Variants in PACS1 observed in about 807,000 individuals in gnomAD.
The protein encoded by PACS1 is phosphofurin acidic cluster sorting protein 1.
Under a neutral mutation model 115.0 loss-of-function variants are expected in PACS1, and 24 were observed. The observed-to-expected ratio is 0.21, with a 90% CI of 0.15 to 0.29. The LOEUF is 0.29. PACS1 is among the 10% of genes least tolerant of loss of function. The pLI is 1.00. For missense variants in PACS1, 838 were observed against 1,251.2 expected, an observed-to-expected ratio of 0.67 and a Z score of 4.98; for synonymous variants, 453 against 504.5, an observed-to-expected ratio of 0.90 and a Z score of 1.37.
intron 1 of PACS1, among the ~76,000 whole-genome samples, chr11:66,108,274 G>A (rs186536017): frequency 6.6e-6 from 1 of 152,134 alleles, no homozygotes; most frequent in Non-Finnish European, 1.5e-5. Flanking sequence ...CCTTTCCTCT[G>A]TGCACAGAGA....
intron 1 of PACS1, among the ~76,000 whole-genome samples, chr11:66,074,941 GT>G (rs71036269): frequency 3.4e-4 from 39 of 114,212 alleles, no homozygotes; most frequent in African/African-American, 1.1e-3. Flanking sequence ...TTTTTTTGGT[GT>G]TTTTTTTTTT....
At chr11:66,191,367 C>T (rs1290097747) in intron 1 of PACS1, among the ~76,000 whole-genome samples, 1 of 152,154 alleles carries the variant, frequency 6.6e-6, no homozygotes, top group Non-Finnish European at 1.5e-5. Flanking sequence ...GTCCCTTTTG[C>T]CATGGGACTT....
intron 10 of PACS1, among the ~76,000 whole-genome samples, chr11:66,226,389 C>T (rs1287059487): frequency 6.6e-6 from 1 of 152,130 alleles, no homozygotes; most frequent in Non-Finnish European, 1.5e-5. Context: ...TTTTGCCTCC[C>T]AGACATATGG....
At position 66,071,814 on chromosome 11, in the gene PACS1, TAGAG is replaced by T. The variant is rs368764173; in HGVS notation, c.356+975_356+978del. Among the ~76,000 whole-genome samples, 259 of 152,316 alleles carry T rather than the reference TAGAG, an allele frequency of 1.7e-3. 6 individuals carry two copies. In the South Asian group the frequency reaches 0.05, roughly 30 times the overall value. ...GGCAGACGGATGTGTAAGTCAGAGT[TAGAG>T]AGGATTGCTGGGCTCCCCCCTCGAC... On this transcript the variant is annotated intron_variant, in intron 1 of 23. Coordinates refer to ENST00000320580, the MANE Select transcript of PACS1 (RefSeq NM_018026.4).
chr11:66,243,421 A>T lies in PACS1; in HGVS notation c.*141A>T. 1.6e-6 allele frequency: 1 copy of T among 635,172 alleles called. No homozygotes were observed. 39.3% of individuals were successfully genotyped at this position (635,172 alleles called of 1,614,324 possible). ...CTCTCACTCGCCCAGGTCCCGAAGGACACTGCCACAGGGACGCCTTCCCTC... is the reference window on the plus strand; with the variant it reads ...CTCTCACTCGCCCAGGTCCCGAAGGTCACTGCCACAGGGACGCCTTCCCTC... On this transcript the variant is annotated 3_prime_UTR_variant, in exon 24 of 24. Coordinates refer to ENST00000320580, the MANE Select transcript of PACS1 (RefSeq NM_018026.4).
chr11:66,074,977 C>T (rs1180488309), intron 1 of PACS1, among the ~76,000 whole-genome samples: 2 of 116,442 alleles, frequency 1.7e-5, no homozygotes, highest in Admixed American at 2.5e-4. Context: ...GAGTCTCGCT[C>T]TGTCGCCCAG....
intron 1 of PACS1, among the ~76,000 whole-genome samples, chr11:66,130,769 T>G (rs1173310169): frequency 6.6e-6 from 1 of 152,176 alleles, no homozygotes; most frequent in Non-Finnish European, 1.5e-5. Context: ...TTGTTCTCCC[T>G]GTACCACAAA....
chr11:66,071,043 C>T (rs1857300220), intron 1 of PACS1, among the ~76,000 whole-genome samples: 1 of 151,998 alleles, frequency 6.6e-6, no homozygotes, highest in Admixed American at 6.5e-5. Flanking sequence ...CTGCCTGGGG[C>T]CGGGACCACC....
intron 1 of PACS1, among the ~76,000 whole-genome samples, chr11:66,074,814 T>C (rs1857365378): frequency 6.6e-6 from 1 of 152,210 alleles, no homozygotes; most frequent in Non-Finnish European, 1.5e-5. Context: ...ATGAAAACGC[T>C]TGGGGGCATT....
At chr11:66,175,113 T>G (rs1258462712) in intron 1 of PACS1, among the ~76,000 whole-genome samples, 1 of 151,766 alleles carries the variant, frequency 6.6e-6, no homozygotes, top group Non-Finnish European at 1.5e-5. Context: ...ATTGCACCAT[T>G]GTATTGGTGC....
rs530992002 is a variant in PACS1 at position 66,222,684 on chromosome 11, G to A, written c.1293+1437G>A. 6.6e-5 allele frequency among the ~76,000 whole-genome samples: 10 copies of A among 152,274 alleles called. No individual in the cohort carries two copies. The South Asian group carries it at 1.0e-3, about 16-fold the overall frequency. On this transcript the variant is annotated intron_variant, in intron 10 of 23. Coordinates refer to ENST00000320580, the MANE Select transcript of PACS1 (RefSeq NM_018026.4). ...TGAAGCCTACTCATGGTTCACCAGGGGGAATACCAAACTCGCCCTGCAGAT... is the reference window on the plus strand; with the variant it reads ...TGAAGCCTACTCATGGTTCACCAGGAGGAATACCAAACTCGCCCTGCAGAT...
At chr11:66,116,224 C>T (rs1858304029) in intron 1 of PACS1, among the ~76,000 whole-genome samples, 1 of 152,150 alleles carries the variant, frequency 6.6e-6, no homozygotes, top group South Asian at 2.1e-4. Context: ...AAGGGCAGAG[C>T]GAATAAGCAG....
At chr11:66,134,714 G>T (rs983923162) in intron 1 of PACS1, among the ~76,000 whole-genome samples, 1 of 152,042 alleles carries the variant, frequency 6.6e-6, no homozygotes, top group Non-Finnish European at 1.5e-5. Flanking sequence ...TGTTCTGACC[G>T]ATGGTGCCCC....
intron 1 of PACS1, among the ~76,000 whole-genome samples, chr11:66,083,499 T>C (rs1241497443): frequency 1.3e-5 from 2 of 152,156 alleles, no homozygotes; most frequent in Non-Finnish European, 2.9e-5. Flanking sequence ...GGAAGCAAGC[T>C]TGGGCTGGAA....
At chr11:66,090,005 C>A (rs1296457380) in intron 1 of PACS1, among the ~76,000 whole-genome samples, 250 of 80,388 alleles carry the variant, frequency 3.1e-3, no homozygotes, top group South Asian at 4.5e-3. Context: ...GACTCCATCT[C>A]AAAAAAAAAA....
rs571361596 is a variant in PACS1, at chr11:66,088,566, G to A, written c.356+17724G>A. Among the ~76,000 whole-genome samples, 5 of 152,276 alleles carry A rather than the reference G, an allele frequency of 3.3e-5. No homozygotes were observed. The South Asian group carries it at 1.0e-3, about 32-fold the overall frequency. ...TCATAAGTCCCATGATATTTTACAT[G>A]CAGTTCTAATTTTAGGCTTTCTGTT... On this transcript the variant is annotated intron_variant, in intron 1 of 23. Coordinates refer to ENST00000320580, the MANE Select transcript of PACS1 (RefSeq NM_018026.4).
chr11:66,180,918 C>G (rs1033572689), intron 1 of PACS1, among the ~76,000 whole-genome samples: 1 of 152,240 alleles, frequency 6.6e-6, no homozygotes, highest in South Asian at 2.1e-4. Context: ...CTTGGCCTCC[C>G]AAAGTGCTGG....
chr11:66,088,647 C>T (rs1316941801), intron 1 of PACS1, among the ~76,000 whole-genome samples: 3 of 152,200 alleles, frequency 2.0e-5, no homozygotes, highest in African/African-American at 7.2e-5. Context: ...GTCTCCGTGA[C>T]TGTATCTTTA....
Position 66,235,867 on chromosome 11 carries a change from A to C in PACS1, c.2208-31A>C. 6.3e-7 allele frequency: 1 copy of C among 1,596,992 alleles called. No individual in the cohort carries two copies. On this transcript the variant is annotated intron_variant, in intron 18 of 23. Transcript: ENST00000320580. The surrounding 1 kb of genome is among the most constrained non-coding windows in gnomAD (Gnocchi z 5.6). ...AGCACTCCTCCCTGTCTCTCCTACTAACTATGAAGCTCTCCTGTGTCTCCC... is the reference window on the plus strand; with the variant it reads ...AGCACTCCTCCCTGTCTCTCCTACTCACTATGAAGCTCTCCTGTGTCTCCC...
Sources: gnomAD v4.1 joint callset for allele counts (sites outside exome capture counted in the v4.1 genomes callset) on GRCh38, gnomAD v4.1.1 for gene constraint, Gnocchi (gnomAD v3.1) non-coding constraint, MANE v1.5 for transcripts, NCBI Gene and HGNC (gene_info 2026-07-23, HGNC 2026-07-21) for gene names.